Variants in DAB1 observed in about 807,000 individuals in gnomAD.
DAB1 encodes the protein disabled homolog 1.
DAB1 carries 15 observed loss-of-function variants against 64.6 expected under a neutral mutation model. The ratio of observed to expected loss-of-function variants is 0.23; its 90% CI spans 0.16 to 0.36. The LOEUF (loss-of-function observed/expected upper bound fraction) is 0.36, where lower values mean the gene tolerates loss of function less well. DAB1 is among the 10% of genes least tolerant of loss of function. DAB1 has a pLI of 1.00. For synonymous variants in DAB1, 235 were observed against 251.9 expected (o/e 0.93, Z 0.64); for missense variants, 596 against 706.7 (o/e 0.84, Z 1.78).
chr1:57,323,719 T>C (rs1046673116), intron 1 of DAB1, among the ~76,000 whole-genome samples: 1 of 152,136 alleles, frequency 6.6e-6, no homozygotes, highest in Non-Finnish European at 1.5e-5. Context: ...TACATCTTTT[T>C]AAAAATAGAA....
chr1:57,942,309 C>T (rs780545428), intron 5 of DAB1, among the ~76,000 whole-genome samples: 47 of 151,934 alleles, frequency 3.1e-4, no homozygotes, highest in Non-Finnish European at 1.9e-4. Context: ...AGGAGGACAC[C>T]CAAAAAGAAA....
intron 5 of DAB1, among the ~76,000 whole-genome samples, chr1:57,911,277 C>T (rs1382009087): frequency 6.6e-6 from 1 of 152,138 alleles, no homozygotes; most frequent in Non-Finnish European, 1.5e-5. Flanking sequence ...CCTGTTTATT[C>T]TCAGGTCCCA....
At chr1:57,563,375 C>T (rs532352946) in intron 7 of DAB1, among the ~76,000 whole-genome samples, 15 of 152,244 alleles carry the variant, frequency 9.9e-5, no homozygotes, top group East Asian at 7.7e-4. Flanking sequence ...ACGCAGAAGA[C>T]GGGTGATTTC....
chr1:57,695,369 A>AAAGAAAGAAAAGAAAG (rs1646822682), intron 6 of DAB1, among the ~76,000 whole-genome samples: 11 of 48,642 alleles, frequency 2.3e-4, no homozygotes, highest in African/African-American at 3.6e-4. Context: ...AAGAAGAAAG[A>AAAGAAAGAAAAGAAAG]AAGAAAGAAA....
At chr1:57,426,135 TG>T (rs1377060689), upstream of DAB1, among the ~76,000 whole-genome samples, 5 of 152,228 alleles carry the variant, frequency 3.3e-5, no homozygotes, top group Admixed American at 2.0e-4. Context: ...ACCATCTACA[TG>T]CATCTTAAGG....
intron 5 of DAB1, among the ~76,000 whole-genome samples, chr1:58,138,436 T>C (rs1654071158): frequency 6.6e-6 from 1 of 152,186 alleles, no homozygotes; most frequent in Non-Finnish European, 1.5e-5. Context: ...GGTAGGGTTC[T>C]AGAGGTAGAG....
At position 58,108,208 on chromosome 1, in the gene DAB1, A is replaced by G. The variant is rs182482531; in HGVS notation, n.387+42303T>C. Among the ~76,000 whole-genome samples, 278 of 152,278 alleles carry G rather than the reference A, an allele frequency of 1.8e-3. 3 individuals are homozygous for G. Among genetic ancestry groups the G allele is most frequent in the African/African-American group, 6.4e-3 (268 of 41,552 alleles). On this transcript the variant is annotated intron_variant and non_coding_transcript_variant, in intron 5 of 20. Coordinates refer to the DAB1 transcript ENST00000485760. ...AAATAATTCTCACTACTCTTTTGAG[A>G]ATGAGCCCAAACAGAGGAGACTGAA... is the stretch of plus-strand genomic sequence containing the variant.
intron 6 of DAB1, among the ~76,000 whole-genome samples, chr1:57,776,542 T>C (rs1443484498): frequency 6.6e-6 from 1 of 151,824 alleles, no homozygotes; most frequent in African/African-American, 2.4e-5. Context: ...TTAGATTAAG[T>C]ATTTTTCTGT....
intron 5 of DAB1, among the ~76,000 whole-genome samples, chr1:58,090,927 A>G (rs1235755704): frequency 6.6e-6 from 1 of 152,206 alleles, no homozygotes; most frequent in Non-Finnish European, 1.5e-5. Flanking sequence ...AGAGACTTAT[A>G]TAGTTTAGCT....
At chr1:57,567,180 T>C (rs1357433785) in intron 7 of DAB1, among the ~76,000 whole-genome samples, 2 of 152,162 alleles carry the variant, frequency 1.3e-5, no homozygotes, top group African/African-American at 4.8e-5. Context: ...AAAAACCACA[T>C]GATTATCTCA....
At chr1:58,372,400 A>G (rs1644272980) in intron 3 of DAB1, among the ~76,000 whole-genome samples, 1 of 152,006 alleles carries the variant, frequency 6.6e-6, no homozygotes, top group Non-Finnish European at 1.5e-5. Context: ...CTGTACCCCC[A>G]TTGTATCTTG....
intron 2 of DAB1, among the ~76,000 whole-genome samples, chr1:57,163,033 G>C (rs1660903690): frequency 6.6e-6 from 1 of 152,186 alleles, no homozygotes; most frequent in Admixed American, 6.5e-5. Context: ...TTCTATCATG[G>C]TCAGCCTAAT....
intron 2 of DAB1, among the ~76,000 whole-genome samples, chr1:57,187,308 C>T (rs1005658261): frequency 1.1e-4 from 16 of 152,160 alleles, no homozygotes; most frequent in Admixed American, 5.2e-4. Context: ...TCCTTGCTTC[C>T]ATCTGAGTTA....
At chr1:57,561,293 C>A (rs551090234) in intron 7 of DAB1, among the ~76,000 whole-genome samples, 1 of 152,168 alleles carries the variant, frequency 6.6e-6, no homozygotes, top group South Asian at 2.1e-4. Context: ...CTTTCTAGGA[C>A]ATCCCTGAAG....
intron 4 of DAB1, among the ~76,000 whole-genome samples, chr1:58,199,131 G>C (rs990104625): frequency 9.9e-5 from 15 of 152,012 alleles, no homozygotes; most frequent in African/African-American, 3.1e-4. Context: ...AAAAACAAAT[G>C]TACTGGAACT....
At chr1:57,534,812 G>A (rs192945941) in intron 7 of DAB1, among the ~76,000 whole-genome samples, 37 of 152,228 alleles carry the variant, frequency 2.4e-4, no homozygotes, top group Non-Finnish European at 3.1e-4. Flanking sequence ...CTGAAACTTC[G>A]CAAAGGCCTC....
intron 7 of DAB1, among the ~76,000 whole-genome samples, chr1:57,521,800 G>T (rs1263585667): frequency 6.6e-6 from 1 of 152,114 alleles, no homozygotes; most frequent in Admixed American, 6.5e-5. Flanking sequence ...GCCTACAGAG[G>T]GGGTATCAAA....
intron 11 of DAB1, among the ~76,000 whole-genome samples, chr1:57,017,388 A>G (rs1646468837): frequency 6.6e-6 from 1 of 152,182 alleles, no homozygotes; most frequent in African/African-American, 2.4e-5. Context: ...GGTGGGCGTT[A>G]CGGCATTGAT....
intron 2 of DAB1, among the ~76,000 whole-genome samples, chr1:57,214,091 G>C (rs1350506302): frequency 6.6e-6 from 1 of 152,172 alleles, no homozygotes; most frequent in Non-Finnish European, 1.5e-5. Flanking sequence ...CTTGAGACAG[G>C]ACAATTTATA....
Sources: allele counts gnomAD v4.1 joint callset (sites outside exome capture counted in the v4.1 genomes callset), GRCh38; gene constraint gnomAD v4.1.1; transcripts MANE v1.5; gene names NCBI Gene and HGNC (gene_info 2026-07-23, HGNC 2026-07-21).